SSPN: variants seen among roughly 807,000 people sequenced by gnomAD.
SSPN encodes the protein K-ras oncogene-associated protein.
SSPN carries 15 observed loss-of-function variants against 19.1 expected under a neutral mutation model. The observed-to-expected ratio is 0.78, with a 90% CI of 0.52 to 1.21. The LOEUF is 1.21. Ranked by LOEUF, SSPN falls within the 50% of genes most tolerant of loss-of-function variation. The pLI, the probability that SSPN is intolerant of heterozygous loss-of-function variation, is 0.00. For missense variants in SSPN, 291 were observed against 314.0 expected (o/e 0.93, Z 0.55); for synonymous variants, 147 against 140.3 (o/e 1.05, Z -0.34).
chr12:26,221,555 G>A lies in SSPN; in HGVS notation c.280-2738G>A, dbSNP rs544518640. On this transcript the variant is annotated intron_variant, in intron 1 of 2. Coordinates refer to ENST00000242729, the MANE Select transcript of SSPN (RefSeq NM_005086.5). The stretch of plus-strand genomic sequence containing the variant: ...CTAGAATGAGGTCATGTGTTCCTAT[G>A]CAACTTCTTTCTGGAAGCCAGGGTA... Among the ~76,000 whole-genome samples, 117 of 152,272 alleles carry A rather than the reference G, an allele frequency of 7.7e-4. 1 individual carries two copies. The highest frequency in any genetic ancestry group is 1.5e-3 in the Non-Finnish European group (101 of 68,014).
chr12:26,145,015 T>C (rs907594975), intron 1 of SSPN, among the ~76,000 whole-genome samples: 5 of 152,218 alleles, frequency 3.3e-5, no homozygotes, highest in African/African-American at 1.2e-4. Context: ...TATTACGACT[T>C]CACCCCACAA....
chr12:26,178,132 G>A (rs1191552471), intron 1 of SSPN, among the ~76,000 whole-genome samples: 7 of 152,294 alleles, frequency 4.6e-5, no homozygotes, highest in Middle Eastern at 3.4e-3. Flanking sequence ...AATGTGACTA[G>A]GGCAACCATA....
intron 1 of SSPN, among the ~76,000 whole-genome samples, chr12:26,208,291 G>A (rs1385562810): frequency 6.6e-6 from 1 of 152,072 alleles, no homozygotes; most frequent in Non-Finnish European, 1.5e-5. Context: ...GTAAATCAGA[G>A]TTCTTTACCT....
rs1301648333 is a variant in SSPN at position 26,231,000 on chromosome 12, A to G, written c.656A>G (p.His219Arg). 3 of 1,614,118 alleles carry G rather than the reference A, an allele frequency of 1.9e-6. No individual in the cohort carries two copies. Among genetic ancestry groups the G allele is most frequent in the East Asian group, 2.2e-5 (1 of 44,898 alleles). The change falls in exon 3 of 3, where the codon CAT becomes CGT. Residue 219 changes from histidine (H) to arginine (R), a missense_variant. Around this residue, in one of 3 missense-constraint regions of SSPN, gnomAD observed 141 missense variants for 166.7 expected, o/e 0.85. Transcript: ENST00000242729. ...TTGGCCTGCTTTGTGATGTGGAAAC[A>G]TAGGTACCAGGTCTTCTATGTGGGT... is the stretch of plus-strand genomic sequence containing the variant. ...CLLACFVMWK[H>R]RYQVFYVGVR...
intron 1 of SSPN, among the ~76,000 whole-genome samples, chr12:26,207,263 A>G (rs1944939032): frequency 6.6e-6 from 1 of 152,222 alleles, no homozygotes; most frequent in Admixed American, 6.5e-5. Context: ...GTGCAATTCT[A>G]TGCTTTTTAA....
At chr12:26,204,828 G>A (rs1444008353) in intron 1 of SSPN, among the ~76,000 whole-genome samples, 1 of 152,134 alleles carries the variant, frequency 6.6e-6, no homozygotes, top group Non-Finnish European at 1.5e-5. Context: ...GAAAGACCAG[G>A]GAAGACTAAA....
chr12:26,174,579 G>A (rs1944673248), intron 1 of SSPN, among the ~76,000 whole-genome samples: 1 of 145,662 alleles, frequency 6.9e-6, no homozygotes, highest in African/African-American at 2.6e-5. Context: ...GGAGTGCAGT[G>A]ACAAAATCCC....
At chr12:26,180,988 C>T (rs1392257982) in intron 1 of SSPN, 1 of 152,222 alleles carries the variant, frequency 6.6e-6, no homozygotes, top group Non-Finnish European at 1.5e-5. Context: ...CTAGACTGGC[C>T]ACTCCAGTTC....
At chr12:26,204,000 T>C (rs1944908551) in intron 1 of SSPN, among the ~76,000 whole-genome samples, 1 of 152,166 alleles carries the variant, frequency 6.6e-6, no homozygotes, top group African/African-American at 2.4e-5. Flanking sequence ...AATTACCTCC[T>C]AAAAGCCCTA....
upstream of SSPN, among the ~76,000 whole-genome samples, chr12:26,193,783 T>C (rs1944803457): frequency 6.6e-6 from 1 of 152,154 alleles, no homozygotes; most frequent in African/African-American, 2.4e-5. Context: ...GGATGTGTGG[T>C]TTAGATTCTG....
At chr12:26,144,203 G>T (rs974828867) in intron 1 of SSPN, among the ~76,000 whole-genome samples, 1 of 152,176 alleles carries the variant, frequency 6.6e-6, no homozygotes, top group Non-Finnish European at 1.5e-5. Context: ...GGGGACTGCC[G>T]CCTTAAAACA....
Position 26,149,905 on chromosome 12 carries a change from C to T in SSPN, c.-31+27753C>T, listed in dbSNP as rs556643379. ...GAGCCTTTAAGTGAACCATGATGCA[C>T]CTGAAATTTTTAAGGAGAGGTTCTA... On this transcript the variant is annotated intron_variant, in intron 1 of 2. Coordinates refer to the SSPN transcript ENST00000538142. Among the ~76,000 whole-genome samples, 42 of 152,144 alleles carry T rather than the reference C, an allele frequency of 2.8e-4. No homozygotes were observed. In the South Asian group the frequency reaches 6.9e-3, roughly 25 times the overall value.
intron 1 of SSPN, among the ~76,000 whole-genome samples, chr12:26,198,049 C>G (rs1191218098): frequency 6.6e-6 from 1 of 151,970 alleles, no homozygotes; most frequent in African/African-American, 2.4e-5. Flanking sequence ...GGGCACTCTT[C>G]CAAGCTTTCA....
At chr12:26,185,748 C>A (rs936634174) in intron 1 of SSPN, among the ~76,000 whole-genome samples, 1 of 152,172 alleles carries the variant, frequency 6.6e-6, no homozygotes, top group Non-Finnish European at 1.5e-5. Context: ...GATCAGTTCC[C>A]GGCACATTTC....
chr12:26,209,053 A>G (rs1944957797), intron 1 of SSPN, among the ~76,000 whole-genome samples: 1 of 151,014 alleles, frequency 6.6e-6, no homozygotes, highest in South Asian at 2.1e-4. Context: ...AGTGAATCTT[A>G]GCCATTTTCT....
chr12:26,179,031 G>A lies in SSPN; in HGVS notation c.-30-45262G>A, dbSNP rs149549765. Among the ~76,000 whole-genome samples the A allele has an allele frequency of 2.6e-5, 4 of 152,230 alleles. No homozygotes were observed. In the East Asian group the frequency reaches 7.7e-4, roughly 29 times the overall value. ...TATCCCATGAAGGATGGACAATGACGGGAAGACTTGCAAAGGAGAAGCAAA... is the reference window on the plus strand; with the variant it reads ...TATCCCATGAAGGATGGACAATGACAGGAAGACTTGCAAAGGAGAAGCAAA... On this transcript the variant is annotated intron_variant, in intron 1 of 2. Coordinates refer to the SSPN transcript ENST00000538142.
upstream of SSPN, among the ~76,000 whole-genome samples, chr12:26,193,993 C>T (rs1591872037): frequency 6.6e-6 from 1 of 152,282 alleles, no homozygotes; most frequent in Non-Finnish European, 1.5e-5. Flanking sequence ...AAGCAAACAG[C>T]AGGGAATTGG....
intron 1 of SSPN, among the ~76,000 whole-genome samples, chr12:26,219,636 T>G (rs1321895027): frequency 6.6e-6 from 1 of 152,126 alleles, no homozygotes; most frequent in Admixed American, 6.6e-5. Context: ...CTAAACCAAT[T>G]GTAGAAACAC....
intron 1 of SSPN, chr12:26,122,897 G>A: frequency 1.9e-6 from 3 of 1,549,170 alleles, no homozygotes; most frequent in Non-Finnish European, 2.6e-6. Flanking sequence ...TCTGCCCCGC[G>A]CGCTCCAGGC....
Sources: allele counts gnomAD v4.1 joint callset (sites outside exome capture counted in the v4.1 genomes callset), GRCh38; gene constraint gnomAD v4.1.1; regional missense constraint gnomAD v4.1.1; transcripts MANE v1.5; gene names NCBI Gene and HGNC (gene_info 2026-07-23, HGNC 2026-07-21).